The following LARGE1 variants were observed in gnomAD, a reference collection of about 807,000 sequenced individuals.
The protein encoded by LARGE1 is xylosyl- and glucuronyltransferase LARGE1.
A neutral mutation model predicts 87.6 loss-of-function variants in LARGE1; 43 were observed. The ratio of observed to expected loss-of-function variants is 0.49; its 90% CI spans 0.38 to 0.63. The LOEUF (loss-of-function observed/expected upper bound fraction) is 0.63, where lower values mean the gene tolerates loss of function less well. Among genes scored for constraint, LARGE1 ranks in the 30% least tolerant of loss-of-function variants. LARGE1 has a pLI of 0.00. For synonymous variants in LARGE1, 434 were observed against 394.6 expected (o/e 1.10, Z -1.18); for missense variants, 802 against 1,000.2 (o/e 0.80, Z 2.67).
chr22:33,434,426 G>A (rs572309096), intron 6 of LARGE1, among the ~76,000 whole-genome samples: 4 of 152,220 alleles, frequency 2.6e-5, no homozygotes, highest in East Asian at 1.9e-4. Context: ...TCAGCCTCCC[G>A]AGTAGCTGGG....
chr22:33,258,207 T>C lies in LARGE1; in HGVS notation c.1730+46022A>G, dbSNP rs59005836. On this transcript the variant is annotated intron_variant, in intron 11 of 11. Transcript: ENST00000608642. Reference sequence around the variant, plus strand: ...CACCACGCCCGGCTAATTTTTGTATTTTTTAGTAGAGATGGGGTTTCACCA... The same window carrying C: ...CACCACGCCCGGCTAATTTTTGTATCTTTTAGTAGAGATGGGGTTTCACCA... Among the ~76,000 whole-genome samples, 1,202 of 152,176 alleles carry C rather than the reference T, an allele frequency of 7.9e-3. 5 individuals are homozygous for C. The highest frequency in any genetic ancestry group is 0.027 in the Middle Eastern group (8 of 294).
chr22:33,274,677 T>C (rs1245082686), intron 14 of LARGE1, 53 bp from the exon 15 acceptor site: 4 of 1,493,106 alleles, frequency 2.7e-6, no homozygotes, highest in African/African-American at 2.8e-5. Flanking sequence ...GGGTCATGCA[T>C]GATGAAGGCC....
intron 1 of LARGE1, among the ~76,000 whole-genome samples, chr22:33,803,798 C>A (rs1223850282): frequency 6.6e-6 from 1 of 152,200 alleles, no homozygotes; most frequent in African/African-American, 2.4e-5. Flanking sequence ...AGGGTTTTCA[C>A]CCAGGACTGG....
At chr22:33,211,538 C>T (rs1015570965) in intron 11 of LARGE1, among the ~76,000 whole-genome samples, 1 of 151,718 alleles carries the variant, frequency 6.6e-6, no homozygotes, top group East Asian at 1.9e-4. Flanking sequence ...TTTGGGAGGC[C>T]GAGGCGATGG....
chr22:33,419,308 G>T (rs1352968942), intron 7 of LARGE1, among the ~76,000 whole-genome samples: 1 of 151,890 alleles, frequency 6.6e-6, no homozygotes, highest in Non-Finnish European at 1.5e-5. Flanking sequence ...TTCAAGATGA[G>T]ATCTGGGTGG....
chr22:33,767,271 G>C (rs2084937282), intron 1 of LARGE1, among the ~76,000 whole-genome samples: 1 of 151,436 alleles, frequency 6.6e-6, no homozygotes, highest in Non-Finnish European at 1.5e-5. Context: ...ACAATCAGCT[G>C]AGATCTCGCC....
intron 6 of LARGE1, among the ~76,000 whole-genome samples, chr22:33,435,092 C>T (rs1293094437): frequency 4.6e-5 from 7 of 152,182 alleles, no homozygotes; most frequent in Non-Finnish European, 1.5e-5. Context: ...ACCTTCGCCT[C>T]CCGAGTTAAA....
chr22:33,069,599 T>G, the LARGE1 span, among the ~76,000 whole-genome samples: 1 of 152,134 alleles, frequency 6.6e-6, no homozygotes, highest in Non-Finnish European at 1.5e-5. Flanking sequence ...ATTAGGTTCA[T>G]TATGAACTAA....
chr22:33,265,820 A>C (rs1927902621), intron 11 of LARGE1, among the ~76,000 whole-genome samples: 1 of 152,214 alleles, frequency 6.6e-6, no homozygotes, highest in South Asian at 2.1e-4. Context: ...GGGGATTCTT[A>C]AAGGTGTAAG....
intron 12 of LARGE1, among the ~76,000 whole-genome samples, chr22:33,285,490 G>T (rs1475135582): frequency 6.6e-6 from 1 of 152,052 alleles, no homozygotes; most frequent in Non-Finnish European, 1.5e-5. Flanking sequence ...CGGGCGTGGT[G>T]GGGGGTGCTG....
chr22:33,486,043 G>A (rs1247102403), intron 6 of LARGE1, among the ~76,000 whole-genome samples: 1 of 152,174 alleles, frequency 6.6e-6, no homozygotes, highest in Admixed American at 6.5e-5. Context: ...CCATCGCTCA[G>A]GACAATGGCC....
intron 6 of LARGE1, among the ~76,000 whole-genome samples, chr22:33,511,541 C>A (rs2071055798): frequency 6.6e-6 from 1 of 152,100 alleles, no homozygotes; most frequent in South Asian, 2.1e-4. Context: ...ATCTCATGAT[C>A]CAGTCTAGAG....
At chr22:33,855,375 C>T (rs776658319) in intron 1 of LARGE1, among the ~76,000 whole-genome samples, 56 of 152,196 alleles carry the variant, frequency 3.7e-4, no homozygotes, top group Admixed American at 1.8e-3. Context: ...CCTTGAAGAA[C>T]GGGTGGAAGG....
intron 2 of LARGE1, among the ~76,000 whole-genome samples, chr22:33,751,448 G>A (rs1472545217): frequency 6.6e-6 from 1 of 151,318 alleles, no homozygotes; most frequent in Non-Finnish European, 1.5e-5. Flanking sequence ...TTGTGCCACT[G>A]CGCTCCAGCC....
At chr22:33,630,451 C>G (rs1247384644) in intron 3 of LARGE1, among the ~76,000 whole-genome samples, 2 of 152,214 alleles carry the variant, frequency 1.3e-5, no homozygotes, top group Non-Finnish European at 2.9e-5. Context: ...CTACAACACA[C>G]ATAGGCTATA....
At chr22:33,691,283 GGGA>G (rs922700757) in intron 2 of LARGE1, among the ~76,000 whole-genome samples, 1 of 151,994 alleles carries the variant, frequency 6.6e-6, no homozygotes, top group African/African-American at 2.4e-5. Flanking sequence ...GAGGGAGGGA[GGGA>G]GGAGGAGAAG....
intron 11 of LARGE1, among the ~76,000 whole-genome samples, chr22:33,230,766 G>C (rs763450714): frequency 3.3e-5 from 5 of 152,158 alleles, no homozygotes; most frequent in Admixed American, 6.5e-5. Flanking sequence ...CTTATAAATA[G>C]CTTACTAAAG....
At chr22:33,649,715 T>A (rs879666508) in intron 3 of LARGE1, among the ~76,000 whole-genome samples, 2 of 152,106 alleles carry the variant, frequency 1.3e-5, no homozygotes, top group South Asian at 4.1e-4. Context: ...ATCTCCACCA[T>A]GAGAACTGGA....
At chr22:33,478,499 C>A (rs968055467) in intron 6 of LARGE1, among the ~76,000 whole-genome samples, 2 of 152,188 alleles carry the variant, frequency 1.3e-5, no homozygotes, top group African/African-American at 4.8e-5. Flanking sequence ...AAATAAAGAG[C>A]CAAAGGGCGA....
Sources: gnomAD v4.1 joint callset for allele counts (sites outside exome capture counted in the v4.1 genomes callset) on GRCh38, gnomAD v4.1.1 for gene constraint, MANE v1.5 for transcripts, NCBI Gene and HGNC (gene_info 2026-07-23, HGNC 2026-07-21) for gene names.